STAU2: variants seen among roughly 807,000 people sequenced by gnomAD.
STAU2 encodes double-stranded RNA-binding protein Staufen homolog 2.
STAU2 carries 20 observed loss-of-function variants against 65.9 expected under a neutral mutation model. That is an observed-to-expected ratio of 0.30 (90% CI 0.21 to 0.44). STAU2 has a LOEUF of 0.44. Ranked by LOEUF, STAU2 falls within the 20% of genes least tolerant of loss-of-function variation. STAU2 has a pLI of 1.00. For synonymous variants in STAU2, 232 were observed against 233.9 expected, an observed-to-expected ratio of 0.99 and a Z score of 0.07; for missense variants, 558 against 683.9, an observed-to-expected ratio of 0.82 and a Z score of 2.05.
chr8:73,635,513 T>C (rs527442239), intron 6 of STAU2, among the ~76,000 whole-genome samples: 5 of 152,108 alleles, frequency 3.3e-5, no homozygotes, highest in East Asian at 1.9e-4. Flanking sequence ...CCCTGGAATA[T>C]GGAGGAGGAA....
rs752594091 is a variant in STAU2, at chr8:73,673,248, T to A, written c.275-6A>T. On this transcript the variant is annotated splice_polypyrimidine_tract_variant and splice_region_variant and intron_variant, in intron 5 of 14. Coordinates refer to ENST00000524300, the MANE Select transcript of STAU2 (RefSeq NM_001164380.2). The stretch of plus-strand genomic sequence containing the variant: ...CACAGTTGGAGTTATACTGCCTGTT[T>A]AAAAAAAAAACATTAAAGGCACACA... 13 of 1,439,174 alleles carry A rather than the reference T, an allele frequency of 9.0e-6. No homozygotes were observed. The highest frequency in any genetic ancestry group is 2.4e-5 in the Admixed American group (1 of 42,420). The allele number at this position is 1,439,174 out of a possible 1,614,324, so 89.2% of individuals were successfully genotyped here.
chr8:73,693,178 T>A (rs548584544), intron 4 of STAU2, among the ~76,000 whole-genome samples: 1 of 148,940 alleles, frequency 6.7e-6, no homozygotes, highest in African/African-American at 2.5e-5. Context: ...AATTTTTTAA[T>A]TTAAAAAAAA....
chr8:73,609,577 C>T (rs1023725198), intron 9 of STAU2, among the ~76,000 whole-genome samples: 18 of 151,912 alleles, frequency 1.2e-4, no homozygotes, highest in Admixed American at 9.2e-4. Context: ...TCGATTGAAC[C>T]CAGGAGGTGG....
At chr8:73,622,476 A>T (rs908640119) in intron 6 of STAU2, among the ~76,000 whole-genome samples, 1 of 152,126 alleles carries the variant, frequency 6.6e-6, no homozygotes, top group Non-Finnish European at 1.5e-5. Flanking sequence ...CTGGTGAGGC[A>T]GGAGATGTCC....
chr8:73,664,477 T>C (rs1193505098), intron 6 of STAU2, among the ~76,000 whole-genome samples: 1 of 152,220 alleles, frequency 6.6e-6, no homozygotes, highest in Non-Finnish European at 1.5e-5. Flanking sequence ...CTTCCATTCC[T>C]AGTTTGCTGA....
chr8:73,616,292 T>C (rs1475098909), intron 7 of STAU2, among the ~76,000 whole-genome samples: 1 of 152,180 alleles, frequency 6.6e-6, no homozygotes, highest in African/African-American at 2.4e-5. Context: ...GAACTTACTA[T>C]AACTATTAGA....
At chr8:73,623,901 T>A (rs1370184382) in intron 6 of STAU2, among the ~76,000 whole-genome samples, 1 of 152,178 alleles carries the variant, frequency 6.6e-6, no homozygotes, top group East Asian at 1.9e-4. Context: ...TTGAGGAATT[T>A]CAAATATTAG....
At chr8:73,474,960 A>G (rs1820237875) in intron 13 of STAU2, among the ~76,000 whole-genome samples, 1 of 152,242 alleles carries the variant, frequency 6.6e-6, no homozygotes, top group Non-Finnish European at 1.5e-5. Flanking sequence ...CTGTGACTAT[A>G]AACAGATACA....
chr8:73,649,872 TATATATATATATATA>T (rs1563481241), intron 6 of STAU2, among the ~76,000 whole-genome samples: 1 of 72,818 alleles, frequency 1.4e-5, no homozygotes, highest in African/African-American at 6.0e-5. Context: ...TATAATTTTA[TATATATATATATATA>T]TATATATATA....
chr8:73,476,864 AGACT>A (rs1160590604), intron 13 of STAU2, among the ~76,000 whole-genome samples: 5 of 152,222 alleles, frequency 3.3e-5, no homozygotes, highest in Non-Finnish European at 5.9e-5. Flanking sequence ...GAGAGCAGCC[AGACT>A]AAGAAGTGGC....
chr8:73,746,854 C>T, upstream of STAU2: 3 of 1,215,664 alleles, frequency 2.5e-6, no homozygotes, highest in Non-Finnish European at 3.1e-6. Flanking sequence ...CCCGCTCGGC[C>T]GCCGCCGGCT....
In STAU2 at chr8:73,666,196, A is replaced by G. The variant is rs77727788; in HGVS notation, c.410+6911T>C. On this transcript the variant is annotated intron_variant, in intron 6 of 14. Transcript: ENST00000524300. ...CAAATGAGTGAAAAATCTTATATGC[A>G]AAGTTTGAACAACCTCAGAATAAAT... 6.6e-3 allele frequency among the ~76,000 whole-genome samples: 1,009 copies of G among 152,314 alleles called. 20 individuals are homozygous for G. Among genetic ancestry groups the G allele is most frequent in the African/African-American group, 0.023 (959 of 41,566 alleles).
chr8:73,641,617 C>T lies in STAU2; in HGVS notation c.411-24166G>A, dbSNP rs191431620. Among the ~76,000 whole-genome samples the T allele has an allele frequency of 8.9e-4, 136 of 152,304 alleles. 1 individual carries two copies. Among genetic ancestry groups the T allele is most frequent in the African/African-American group, 3.1e-3 (130 of 41,552 alleles). The stretch of plus-strand genomic sequence containing the variant: ...CCAATTGAGTCTGAGAAATGCTACA[C>T]ATTATATACATCTCTAGAAGATTTA... On this transcript the variant is annotated intron_variant, in intron 6 of 14. Transcript: ENST00000524300.
At chr8:73,563,884 C>T (rs917748422) in intron 12 of STAU2, among the ~76,000 whole-genome samples, 1 of 152,152 alleles carries the variant, frequency 6.6e-6, no homozygotes, top group Non-Finnish European at 1.5e-5. Flanking sequence ...GCCCTTATTC[C>T]TAACTCATAC....
chr8:73,675,006 C>G (rs1358468010), intron 5 of STAU2, among the ~76,000 whole-genome samples: 5 of 151,598 alleles, frequency 3.3e-5, no homozygotes, highest in Admixed American at 3.3e-4. Flanking sequence ...TTGTATTCAT[C>G]AACACATGGA....
At chr8:73,557,141 T>C (rs1807848974) in intron 12 of STAU2, among the ~76,000 whole-genome samples, 1 of 152,114 alleles carries the variant, frequency 6.6e-6, no homozygotes, top group Admixed American at 6.5e-5. Flanking sequence ...GGTTTGCCAA[T>C]AGCAATATTA....
intron 13 of STAU2, among the ~76,000 whole-genome samples, chr8:73,515,041 A>G (rs1014089888): frequency 5.3e-5 from 8 of 152,224 alleles, no homozygotes; most frequent in African/African-American, 1.9e-4. Flanking sequence ...CTCTTTGAAA[A>G]TGAACACTTT....
In STAU2 at chr8:73,512,539, T is replaced by TG. The variant is rs34403135; in HGVS notation, c.1530+39472dup. On this transcript the variant is annotated intron_variant, in intron 13 of 14. Coordinates refer to ENST00000524300, the MANE Select transcript of STAU2 (RefSeq NM_001164380.2). The stretch of plus-strand genomic sequence containing the variant: ...AATGAAATGGTCTTAATTTCATTTT[T>TG]GGTTTTTTTTTACCAGTATATAGAA... Among the ~76,000 whole-genome samples the TG allele has an allele frequency of 4.1e-3, 625 of 152,176 alleles. 19 individuals are homozygous for TG. The highest frequency in any genetic ancestry group is 0.037 in the Admixed American group (566 of 15,276).
intron 13 of STAU2, among the ~76,000 whole-genome samples, chr8:73,504,265 A>G (rs960389312): frequency 2.0e-5 from 3 of 152,120 alleles, no homozygotes; most frequent in Non-Finnish European, 2.9e-5. Flanking sequence ...ACAATAGCTT[A>G]CTTAAAATGG....
Sources: allele counts gnomAD v4.1 joint callset (sites outside exome capture counted in the v4.1 genomes callset), GRCh38; gene constraint gnomAD v4.1.1; transcripts MANE v1.5; gene names NCBI Gene and HGNC (gene_info 2026-07-23, HGNC 2026-07-21).